The following TTC17 variants were observed in gnomAD, a reference collection of about 807,000 sequenced individuals.
The protein encoded by TTC17 is tetratricopeptide repeat protein 17.
In TTC17, 58 loss-of-function variants were observed where a neutral mutation model predicts 143.8. That is an observed-to-expected ratio of 0.40 (90% CI 0.33 to 0.50). TTC17 has a LOEUF of 0.50. TTC17 is among the 20% of genes least tolerant of loss of function. The pLI, the probability that TTC17 is intolerant of heterozygous loss-of-function variation, is 0.49. For missense variants in TTC17, 1,273 were observed against 1,392.5 expected (o/e 0.91, Z 1.37); for synonymous variants, 501 against 497.8 (o/e 1.01, Z -0.09).
At chr11:43,463,513 T>A (rs2134800215) in intron 21 of TTC17, among the ~76,000 whole-genome samples, 1 of 152,302 alleles carries the variant, frequency 6.6e-6, no homozygotes, top group South Asian at 2.1e-4. Flanking sequence ...AGGCAATTTT[T>A]TTTTTAATCT....
intron 21 of TTC17, among the ~76,000 whole-genome samples, chr11:43,483,212 TACA>T (rs1390508742): frequency 3.9e-5 from 6 of 152,188 alleles, no homozygotes; most frequent in African/African-American, 1.4e-4. Flanking sequence ...TCACAAAGAT[TACA>T]ACAAGGTCTG....
chr11:43,433,718 G>A (rs1419487575), intron 16 of TTC17, among the ~76,000 whole-genome samples: 2 of 152,166 alleles, frequency 1.3e-5, no homozygotes, highest in African/African-American at 4.8e-5. Context: ...AAACAGAAGA[G>A]AATCAAATGT....
intron 17 of TTC17, 32 bp downstream of exon 17, chr11:43,443,616 G>A: frequency 6.3e-7 from 1 of 1,586,550 alleles, no homozygotes; most frequent in Non-Finnish European, 8.6e-7. Flanking sequence ...TCACAAAATT[G>A]TAGCCCATGC....
intron 18 of TTC17, chr11:43,446,047 T>C: frequency 6.6e-7 from 1 of 1,523,950 alleles, no homozygotes; most frequent in Non-Finnish European, 8.8e-7. Context: ...AGATGTGGGC[T>C]TGAAGCCTTC....
chr11:43,438,715 C>T (rs903933358), intron 16 of TTC17, among the ~76,000 whole-genome samples: 1 of 152,138 alleles, frequency 6.6e-6, no homozygotes, highest in Non-Finnish European at 1.5e-5. Flanking sequence ...GCTGTGTTTA[C>T]TTCTGTCTTG....
In TTC17 at chr11:43,391,905, A is replaced by G; in HGVS notation, c.616A>G (p.Arg206Gly). 2 of 1,613,656 alleles carry G rather than the reference A, an allele frequency of 1.2e-6. No individual in the cohort carries two copies. Among genetic ancestry groups the G allele is most frequent in the Non-Finnish European group, 1.7e-6 (2 of 1,179,876 alleles). Reference protein sequence around the residue: ...IFTYLSKRLGRSIDDIGHLIH... With the variant: ...IFTYLSKRLGGSIDDIGHLIH... ...CACATATTTATCTAAACGGTTAGGAAGGAGTATAGATGACATAGGTCACCT... is the reference window on the plus strand; with the variant it reads ...CACATATTTATCTAAACGGTTAGGAGGGAGTATAGATGACATAGGTCACCT... The change falls in exon 5 of 24, where the codon AGG (arginine) becomes GGG (glycine). Residue 206 changes from arginine (R) to glycine (G), a missense_variant. Arg to Gly is a moderately radical substitution (Grantham distance 125). Coordinates refer to ENST00000039989, the MANE Select transcript of TTC17 (RefSeq NM_018259.6).
intron 18 of TTC17, chr11:43,446,735 C>G: frequency 1.1e-6 from 1 of 923,240 alleles, no homozygotes; most frequent in Non-Finnish European, 1.3e-6. Context: ...GTTCTCCTTC[C>G]TGCCTATTCC....
chr11:43,460,777 A>G (rs1173107559), intron 21 of TTC17, among the ~76,000 whole-genome samples: 1 of 152,146 alleles, frequency 6.6e-6, no homozygotes, highest in Admixed American at 6.5e-5. Flanking sequence ...GGGTGGCTGC[A>G]TTAGCTCTGG....
chr11:43,489,857 A>G (rs900465), intron 21 of TTC17: 38,324 of 153,192 alleles, frequency 0.25, 6,349 homozygotes, highest in African/African-American at 0.48. Context: ...AGGATGGGAG[A>G]GAGACTTCAT....
At chr11:43,444,286 A>T (rs1420847523) in intron 18 of TTC17, 77 bp downstream of exon 18, 3 of 1,446,088 alleles carry the variant, frequency 2.1e-6, no homozygotes, top group Admixed American at 2.3e-5. Context: ...TTGTATTTGT[A>T]ACTTGAAATA....
intron 16 of TTC17, 107 bp downstream of exon 16, chr11:43,414,883 A>G (rs1316149746): frequency 4.1e-6 from 5 of 1,206,948 alleles, no homozygotes; most frequent in Non-Finnish European, 4.6e-6. Context: ...AGGATTTTAG[A>G]TAACCAGTAT....
At chr11:43,451,813 C>G (rs149501286) in intron 21 of TTC17, among the ~76,000 whole-genome samples, 106 of 152,224 alleles carry the variant, frequency 7.0e-4, no homozygotes, top group Admixed American at 2.6e-3. Flanking sequence ...GGCTAAGAAT[C>G]TCTCTACTTT....
chr11:43,369,280 T>C (rs1331811277), intron 1 of TTC17, among the ~76,000 whole-genome samples: 1 of 152,184 alleles, frequency 6.6e-6, no homozygotes. Flanking sequence ...AGGAGAATGG[T>C]GATTGTTTAC....
Position 43,359,131 on chromosome 11 carries a change from C to T in TTC17, c.159+18C>T. The T allele has an allele frequency of 1.9e-6, 3 of 1,567,280 alleles. No homozygotes were observed. The highest frequency in any genetic ancestry group is 1.2e-5 in the South Asian group (1 of 85,282). On this transcript the variant is annotated intron_variant, in intron 1 of 23. Transcript: ENST00000039989. ...AGCAGCAGGTAGCGGCCGGGGCGTCCCTCTTCTCCCGTGCCCGCCCTCGCC... is the reference window on the plus strand; with the variant it reads ...AGCAGCAGGTAGCGGCCGGGGCGTCTCTCTTCTCCCGTGCCCGCCCTCGCC...
chr11:43,366,695 A>G (rs1043941413), intron 1 of TTC17, among the ~76,000 whole-genome samples: 1 of 152,016 alleles, frequency 6.6e-6, no homozygotes, highest in Non-Finnish European at 1.5e-5. Context: ...TTCTATTGAC[A>G]AGGTTTTGGT....
chr11:43,417,839 C>G (rs982114223), intron 16 of TTC17, among the ~76,000 whole-genome samples: 1 of 152,144 alleles, frequency 6.6e-6, no homozygotes, highest in African/African-American at 2.4e-5. Context: ...AGTGACAGAG[C>G]GAGACTCCGT....
At chr11:43,462,561 G>A (rs1216323390) in intron 21 of TTC17, among the ~76,000 whole-genome samples, 1 of 152,166 alleles carries the variant, frequency 6.6e-6, no homozygotes, top group Non-Finnish European at 1.5e-5. Context: ...CATTGACTTT[G>A]ACCCAATGAT....
intron 2 of TTC17, among the ~76,000 whole-genome samples, chr11:43,384,305 A>G (rs1204012482): frequency 1.3e-5 from 2 of 152,208 alleles, no homozygotes; most frequent in East Asian, 3.8e-4. Flanking sequence ...CTTATTTGAA[A>G]TCATTGGGGC....
chr11:43,397,929 TG>T (rs2134555883), intron 7 of TTC17, 44 bp from the exon 8 acceptor site: 5 of 1,354,456 alleles, frequency 3.7e-6, no homozygotes, highest in Middle Eastern at 2.2e-4. Context: ...TGTGTGTGTG[TG>T]TGTGTGTGTG....
Sources: gnomAD v4.1 joint callset for allele counts (sites outside exome capture counted in the v4.1 genomes callset) on GRCh38, gnomAD v4.1.1 for gene constraint, MANE v1.5 for transcripts, NCBI Gene and HGNC (gene_info 2026-07-23, HGNC 2026-07-21) for gene names.